The following FOXO1 variants were observed in gnomAD, a reference collection of about 807,000 sequenced individuals.
FOXO1 encodes the protein forkhead box O1.
A neutral mutation model predicts 44.1 loss-of-function variants in FOXO1; 6 were observed. The observed-to-expected ratio is 0.14, with a 90% CI of 0.07 to 0.27. FOXO1 has a LOEUF of 0.27. Ranked by LOEUF, FOXO1 falls within the 10% of genes least tolerant of loss-of-function variation. The probability of loss-of-function intolerance (pLI) is 1.00; values close to 1 mark genes in which losing one functional copy is unlikely to be tolerated. For missense variants in FOXO1, 737 were observed against 888.8 expected, an observed-to-expected ratio of 0.83 and a Z score of 2.17; for synonymous variants, 380 against 362.7, an observed-to-expected ratio of 1.05 and a Z score of -0.54.
At chr13:40,608,740 T>G (rs1047021057) in intron 1 of FOXO1, among the ~76,000 whole-genome samples, 2 of 152,228 alleles carry the variant, frequency 1.3e-5, no homozygotes, top group Admixed American at 6.5e-5. Flanking sequence ...CTCCAAGGCT[T>G]TTCCTGATTC....
intron 1 of FOXO1, among the ~76,000 whole-genome samples, chr13:40,608,340 G>T (rs1478369034): frequency 6.6e-6 from 1 of 152,182 alleles, no homozygotes; most frequent in Admixed American, 6.5e-5. Context: ...AGTCAGGCTT[G>T]CCCTCTTGCA....
chr13:40,641,713 G>A (rs993817211), intron 1 of FOXO1, among the ~76,000 whole-genome samples: 17 of 149,558 alleles, frequency 1.1e-4, no homozygotes, highest in South Asian at 2.1e-4. Flanking sequence ...AGCTGGGTGC[G>A]GTGGCTCACA....
In FOXO1 at chr13:40,560,421, G is replaced by C; in HGVS notation, c.1070C>G (p.Ser357Cys). The C allele has an allele frequency of 6.2e-7, 1 of 1,614,194 alleles. No individual in the cohort carries two copies. Among genetic ancestry groups the C allele is most frequent in the Non-Finnish European group, 8.5e-7 (1 of 1,180,038 alleles). ...TATCTCAGACAGACTGGGTAAAGTAGAGGCCATCTTTGCGGCAGATGGCGG... is the reference window on the plus strand; with the variant it reads ...TATCTCAGACAGACTGGGTAAAGTACAGGCCATCTTTGCGGCAGATGGCGG... Reference protein sequence around the residue: ...VYPPSAAKMASTLPSLSEISN... With the variant: ...VYPPSAAKMACTLPSLSEISN... Residue 357 changes from serine (S) to cysteine (C), a missense_variant, in exon 2 of 3, where the codon TCT (serine) becomes TGT (cysteine). Ser to Cys is a moderately radical substitution (Grantham distance 112, BLOSUM62 -1). Transcript: ENST00000379561. The surrounding 1 kb of genome is among the most constrained non-coding windows in gnomAD (Gnocchi z 5.1).
intron 1 of FOXO1, chr13:40,618,610 A>T: frequency 3.1e-6 from 1 of 326,208 alleles, no homozygotes; most frequent in Non-Finnish European, 6.0e-6. Flanking sequence ...CTGAAGACCA[A>T]CAGGCCTGGA....
chr13:40,560,444 C>G lies in FOXO1; in HGVS notation c.1047G>C (p.Pro349=). The G allele has an allele frequency of 1.2e-6, 2 of 1,614,068 alleles. No individual in the cohort carries two copies. Among genetic ancestry groups the G allele is most frequent in the Non-Finnish European group, 1.7e-6 (2 of 1,179,994 alleles). Reference sequence around the variant, plus strand: ...TAGAGGCCATCTTTGCGGCAGATGGCGGGTACACCATAGAATGCACATCCC... The same window carrying G: ...TAGAGGCCATCTTTGCGGCAGATGGGGGGTACACCATAGAATGCACATCCC... The part of the protein sequence containing the change: ...GEGDVHSMVY[P]PSAAKMASTL... Residue 349 remains proline (P), a synonymous_variant, in exon 2 of 3, where the codon CCG becomes CCC. Transcript: ENST00000379561. This position sits in a 1 kb window ranked among gnomAD's most constrained non-coding sequence, Gnocchi z 5.1.
intron 1 of FOXO1, among the ~76,000 whole-genome samples, chr13:40,615,716 T>A (rs1876401621): frequency 6.6e-6 from 1 of 152,082 alleles, no homozygotes; most frequent in Non-Finnish European, 1.5e-5. Flanking sequence ...GACAGACATC[T>A]GGGGAAGAGT....
chr13:40,564,416 G>A (rs953783710), intron 1 of FOXO1, among the ~76,000 whole-genome samples: 5 of 152,002 alleles, frequency 3.3e-5, no homozygotes, highest in Non-Finnish European at 5.9e-5. Context: ...AATTTTTTCC[G>A]AACAGGAAAA....
At chr13:40,567,317 T>C (rs981340527) in intron 1 of FOXO1, among the ~76,000 whole-genome samples, 5 of 152,138 alleles carry the variant, frequency 3.3e-5, no homozygotes, top group Admixed American at 2.0e-4. Flanking sequence ...TATTTTTGTA[T>C]TTATTTCATA....
rs771830343 is a variant in FOXO1, at chr13:40,559,761, C to T, written c.1730G>A (p.Gly577Asp). The change falls in exon 2 of 3, where the codon GGC (glycine) becomes GAC (aspartate). Residue 577 changes from glycine (G) to aspartate (D), a missense_variant. This residue lies in a region of FOXO1 where 283 missense variants were observed against 278.1 expected (regional missense o/e 1.02). Transcript: ENST00000379561. ...PHPMQMSALGGYSSVSSCNGY... is the reference protein window; with the variant it reads ...PHPMQMSALGDYSSVSSCNGY... ...ATTGCAGCTGCTCACGGAGGAGTAG[C>T]CCCCCAGGGCACTCATCTGCATGGG... The T allele has an allele frequency of 6.2e-7, 1 of 1,612,774 alleles. No individual in the cohort carries two copies. The highest frequency in any genetic ancestry group is 1.1e-5 in the South Asian group (1 of 90,840).
chr13:40,612,969 A>G (rs1876286782), intron 1 of FOXO1, among the ~76,000 whole-genome samples: 1 of 152,212 alleles, frequency 6.6e-6, no homozygotes, highest in African/African-American at 2.4e-5. Context: ...ACGTTTTAAA[A>G]GAGGAATGAC....
At chr13:40,652,376 C>T (rs1877714326) in intron 1 of FOXO1, among the ~76,000 whole-genome samples, 1 of 151,230 alleles carries the variant, frequency 6.6e-6, no homozygotes, top group Non-Finnish European at 1.5e-5. Flanking sequence ...ACCTCTGGCT[C>T]CCCAGGGTCC....
chr13:40,639,750 A>C (rs1877287826), intron 1 of FOXO1, among the ~76,000 whole-genome samples: 1 of 152,240 alleles, frequency 6.6e-6, no homozygotes, highest in African/African-American at 2.4e-5. Flanking sequence ...TGAATTGCCA[A>C]ATGTCAGAGG....
At chr13:40,579,166 T>C (rs1874870361) in intron 1 of FOXO1, among the ~76,000 whole-genome samples, 1 of 152,212 alleles carries the variant, frequency 6.6e-6, no homozygotes, top group African/African-American at 2.4e-5. Context: ...GGTGAGATTT[T>C]ATGATTATGC....
At chr13:40,628,572 A>G (rs1171011838) in intron 1 of FOXO1, among the ~76,000 whole-genome samples, 5 of 152,098 alleles carry the variant, frequency 3.3e-5, no homozygotes, top group South Asian at 2.1e-4. Flanking sequence ...ACCACTTCCT[A>G]GAAAATGTAT....
intron 1 of FOXO1, among the ~76,000 whole-genome samples, chr13:40,611,653 A>T (rs1463722027): frequency 6.6e-6 from 1 of 152,214 alleles, no homozygotes; most frequent in Admixed American, 6.5e-5. Flanking sequence ...ATAGGGAAAG[A>T]ACACATCTAA....
At chr13:40,618,310 C>T (rs527915445) in intron 1 of FOXO1, among the ~76,000 whole-genome samples, 3 of 152,204 alleles carry the variant, frequency 2.0e-5, no homozygotes, top group Admixed American at 6.5e-5. Context: ...TCAAGAGATC[C>T]ACCCATCTCA....
chr13:40,636,406 A>G (rs1269925075), intron 1 of FOXO1, among the ~76,000 whole-genome samples: 1 of 151,914 alleles, frequency 6.6e-6, no homozygotes, highest in Non-Finnish European at 1.5e-5. Context: ...CCAGTGGCTC[A>G]TGCCTGTAAT....
intron 1 of FOXO1, among the ~76,000 whole-genome samples, chr13:40,608,657 AT>A (rs1876111988): frequency 6.6e-6 from 1 of 152,140 alleles, no homozygotes; most frequent in South Asian, 2.1e-4. Context: ...TTTACATTTT[AT>A]TGATTTCTCC....
chr13:40,584,852 T>C (rs138814953), intron 1 of FOXO1, among the ~76,000 whole-genome samples: 64 of 152,338 alleles, frequency 4.2e-4, no homozygotes, highest in East Asian at 3.3e-3. Flanking sequence ...TCACTAGGTA[T>C]GAAGCGCAGC....
Sources: allele counts gnomAD v4.1 joint callset (sites outside exome capture counted in the v4.1 genomes callset), GRCh38; gene constraint gnomAD v4.1.1; regional missense constraint gnomAD v4.1.1; non-coding constraint Gnocchi (gnomAD v3.1); transcripts MANE v1.5; gene names NCBI Gene and HGNC (gene_info 2026-07-23, HGNC 2026-07-21).